The following TENM3 variants were observed in gnomAD, a reference collection of about 807,000 sequenced individuals.
The protein encoded by TENM3 is teneurin-3.
In TENM3, 63 loss-of-function variants were observed where a neutral mutation model predicts 255.1. The ratio of observed to expected loss-of-function variants is 0.25; its 90% CI spans 0.20 to 0.30. The LOEUF (loss-of-function observed/expected upper bound fraction) is 0.30. TENM3 is among the 10% of genes least tolerant of loss of function. TENM3 has a pLI of 1.00. For synonymous variants in TENM3, 1,306 were observed against 1,322.3 expected (o/e 0.99, Z 0.27); for missense variants, 2,929 against 3,461.1 (o/e 0.85, Z 3.86).
chr4:182,007,623 A>G, the TENM3 span, among the ~76,000 whole-genome samples: 1 of 152,056 alleles, frequency 6.6e-6, no homozygotes, highest in Non-Finnish European at 1.5e-5. Context: ...GTGTCTTTGC[A>G]TGTAAGAGGG....
chr4:181,711,514 A>G, the TENM3 span, among the ~76,000 whole-genome samples: 1 of 152,198 alleles, frequency 6.6e-6, no homozygotes, highest in Non-Finnish European at 1.5e-5. Context: ...AAACAATCCT[A>G]TTTGACATTT....
the TENM3 span, among the ~76,000 whole-genome samples, chr4:181,851,910 C>A: frequency 2.0e-5 from 3 of 152,128 alleles, no homozygotes; most frequent in African/African-American, 7.2e-5. Context: ...ATATCTTCTA[C>A]ATGCCCAAAG....
intron 6 of TENM3, among the ~76,000 whole-genome samples, chr4:182,656,515 C>A (rs1343988653): frequency 6.6e-6 from 1 of 152,068 alleles, no homozygotes; most frequent in Non-Finnish European, 1.5e-5. Context: ...TCGTGATGAA[C>A]CTCAGTGTCC....
intron 3 of TENM3, among the ~76,000 whole-genome samples, chr4:182,493,555 C>T (rs772769417): frequency 7.9e-5 from 12 of 152,022 alleles, no homozygotes; most frequent in East Asian, 1.9e-4. Context: ...TAAGGCTTTA[C>T]GGCACTCATA....
intron 5 of TENM3, among the ~76,000 whole-genome samples, chr4:182,629,126 G>A (rs1371856957): frequency 1.3e-5 from 2 of 151,974 alleles, no homozygotes; most frequent in African/African-American, 4.8e-5. Flanking sequence ...AAAGCTATAG[G>A]GTACATTTGT....
chr4:182,418,371 C>T (rs375106076), intron 3 of TENM3, among the ~76,000 whole-genome samples: 11 of 152,126 alleles, frequency 7.2e-5, no homozygotes, highest in Admixed American at 2.6e-4. Flanking sequence ...CCACGGAATT[C>T]GTAATGTCCT....
In TENM3 at chr4:182,367,732, T is replaced by A. The variant is rs796749323; in HGVS notation, c.511+20803T>A. ...ACATAAAGTCATATTGCAGGAGAGT[T>A]GAGACTGAAGTTTGTGAAATAGTAG... On this transcript the variant is annotated intron_variant, in intron 3 of 27. Coordinates refer to ENST00000511685, the MANE Select transcript of TENM3 (RefSeq NM_001080477.4). 1.5e-4 allele frequency among the ~76,000 whole-genome samples: 23 copies of A among 152,254 alleles called. 1 individual carries two copies. Among genetic ancestry groups the A allele is most frequent in the African/African-American group, 4.8e-4 (20 of 41,560 alleles).
At chr4:182,790,836 A>ATGTT (rs1390122001) in intron 25 of TENM3, among the ~76,000 whole-genome samples, 11 of 152,298 alleles carry the variant, frequency 7.2e-5, no homozygotes, top group Admixed American at 1.3e-4. Flanking sequence ...GCACTGGGAA[A>ATGTT]TGTTTAGAGG....
intron 2 of TENM3, among the ~76,000 whole-genome samples, chr4:182,341,265 T>G (rs1764473324): frequency 6.6e-6 from 1 of 152,180 alleles, no homozygotes; most frequent in Non-Finnish European, 1.5e-5. Flanking sequence ...ATTGAAATAA[T>G]TATCATGAGA....
At chr4:181,793,839 A>G in the TENM3 span, among the ~76,000 whole-genome samples, 2 of 152,224 alleles carry the variant, frequency 1.3e-5, no homozygotes, top group South Asian at 4.1e-4. Flanking sequence ...GCCTCTTTCA[A>G]TTGGAATGCT....
At chr4:182,388,614 A>G (rs1768179411) in intron 3 of TENM3, among the ~76,000 whole-genome samples, 1 of 152,202 alleles carries the variant, frequency 6.6e-6, no homozygotes, top group Admixed American at 6.5e-5. Flanking sequence ...TCAAACATCT[A>G]CATCCATCCT....
chr4:182,499,789 C>T (rs774403260), intron 3 of TENM3, among the ~76,000 whole-genome samples: 2 of 152,160 alleles, frequency 1.3e-5, no homozygotes, highest in Non-Finnish European at 2.9e-5. Flanking sequence ...ATAAACCCAA[C>T]CACAAGCCAG....
At chr4:182,438,587 A>G (rs975477401) in intron 3 of TENM3, among the ~76,000 whole-genome samples, 7 of 152,176 alleles carry the variant, frequency 4.6e-5, no homozygotes, top group African/African-American at 1.7e-4. Flanking sequence ...CCCTGCCAGA[A>G]ATTCCTTGAA....
intron 3 of TENM3, among the ~76,000 whole-genome samples, chr4:182,388,302 T>A (rs1487039217): frequency 6.6e-6 from 1 of 152,190 alleles, no homozygotes; most frequent in Non-Finnish European, 1.5e-5. Context: ...TTCTTCAGCC[T>A]GCTTCTATTA....
chr4:182,141,339 A>G (rs574566388), upstream of TENM3: 1 of 152,366 alleles, frequency 6.6e-6, no homozygotes, highest in African/African-American at 2.4e-5. Context: ...CCCTCTCTTG[A>G]CAACAGCTCA....
chr4:182,235,353 T>G (rs1214221913), intron 1 of TENM3, among the ~76,000 whole-genome samples: 1 of 152,216 alleles, frequency 6.6e-6, no homozygotes, highest in African/African-American at 2.4e-5. Flanking sequence ...GTGGTCTTTC[T>G]GTGGAACTTG....
chr4:181,827,449 G>A, the TENM3 span, among the ~76,000 whole-genome samples: 1 of 152,170 alleles, frequency 6.6e-6, no homozygotes, highest in Non-Finnish European at 1.5e-5. Flanking sequence ...CACCGGAGGA[G>A]CCTAAAAGTA....
the TENM3 span, among the ~76,000 whole-genome samples, chr4:182,081,583 CA>C: frequency 0.29 from 25,100 of 87,010 alleles, 1,272 homozygotes; most frequent in East Asian, 0.35. Context: ...GGCTCTGCCT[CA>C]AAAAAAAAAA....
At chr4:181,795,029 A>G in the TENM3 span, among the ~76,000 whole-genome samples, 149,007 of 152,288 alleles carry the variant, frequency 0.98, 72,988 homozygotes, top group East Asian at 1. Flanking sequence ...ACAATAGCCT[A>G]CAATCCCTTG....
Sources: allele counts gnomAD v4.1 joint callset (sites outside exome capture counted in the v4.1 genomes callset), GRCh38; gene constraint gnomAD v4.1.1; transcripts MANE v1.5; gene names NCBI Gene and HGNC (gene_info 2026-07-23, HGNC 2026-07-21).